CYP7B1: variants seen among roughly 807,000 people sequenced by gnomAD.
CYP7B1 encodes the protein cytochrome P450 family 7 subfamily B member 1, also known as cytochrome P450 7B1.
CYP7B1 carries 29 observed loss-of-function variants against 42.7 expected under a neutral mutation model. The ratio of observed to expected loss-of-function variants is 0.68; its 90% CI spans 0.51 to 0.93. CYP7B1 has a LOEUF of 0.93. CYP7B1 is among the 40% of genes least tolerant of loss of function. The pLI is 0.00. For missense variants in CYP7B1, 655 were observed against 600.5 expected (o/e 1.09, Z -0.95); for synonymous variants, 235 against 218.2 (o/e 1.08, Z -0.68).
At chr8:64,599,062 T>C (rs1805160095) in intron 5 of CYP7B1, among the ~76,000 whole-genome samples, 1 of 152,216 alleles carries the variant, frequency 6.6e-6, no homozygotes. Flanking sequence ...GGAAGGGGTA[T>C]AATAATCTCA....
intron 1 of CYP7B1, among the ~76,000 whole-genome samples, chr8:64,661,307 A>C (rs1248793276): frequency 1.3e-5 from 2 of 152,232 alleles, no homozygotes; most frequent in Non-Finnish European, 2.9e-5. Context: ...ATAAAAATTA[A>C]ACAGCACTTT....
At chr8:64,789,953 A>G (rs142009944) in intron 1 of CYP7B1, among the ~76,000 whole-genome samples, 92 of 152,358 alleles carry the variant, frequency 6.0e-4, no homozygotes, top group African/African-American at 2.0e-3. Context: ...TTCTCAGATT[A>G]TCTCAGAGAG....
chr8:64,743,811 T>A (rs1807604349), intron 1 of CYP7B1, among the ~76,000 whole-genome samples: 1 of 152,200 alleles, frequency 6.6e-6, no homozygotes, highest in Non-Finnish European at 1.5e-5. Flanking sequence ...CAGCCCCTAA[T>A]ACATACTAAT....
At chr8:64,650,415 A>T (rs936363894) in intron 1 of CYP7B1, among the ~76,000 whole-genome samples, 2 of 152,172 alleles carry the variant, frequency 1.3e-5, no homozygotes, top group African/African-American at 4.8e-5. Context: ...TGGGAGGCTG[A>T]GGTGGGCGGA....
chr8:64,645,446 T>C (rs1256541767), intron 1 of CYP7B1, among the ~76,000 whole-genome samples: 3 of 152,030 alleles, frequency 2.0e-5, no homozygotes, highest in Admixed American at 6.6e-5. Flanking sequence ...TTTTAATGAT[T>C]GCCATTCTAA....
chr8:64,594,625 A>G lies in CYP7B1; in HGVS notation c.*2017T>C, dbSNP rs76468682. ...CAATTATAATTGTGTATCATGAACT[A>G]AAGAGTGTAAGGAGAGTGATCACTC... On this transcript the variant is annotated 3_prime_UTR_variant, in exon 6 of 6. Transcript: ENST00000310193. Among the ~76,000 whole-genome samples the G allele has an allele frequency of 1.9e-3, 297 of 152,324 alleles. 1 individual carries two copies. The highest frequency in any genetic ancestry group is 6.9e-3 in the African/African-American group (286 of 41,568).
At chr8:64,675,672 A>C (rs899197559) in intron 1 of CYP7B1, among the ~76,000 whole-genome samples, 1 of 152,112 alleles carries the variant, frequency 6.6e-6, no homozygotes, top group African/African-American at 2.4e-5. Context: ...CTGGGGATCA[A>C]GTACATCAGG....
At chr8:64,743,986 A>T (rs1459770134) in intron 1 of CYP7B1, among the ~76,000 whole-genome samples, 1 of 152,200 alleles carries the variant, frequency 6.6e-6, no homozygotes, top group Non-Finnish European at 1.5e-5. Flanking sequence ...TCAGGTCATC[A>T]TTCAAAATAT....
At chr8:64,695,577 A>G (rs1228692535) in intron 1 of CYP7B1, among the ~76,000 whole-genome samples, 2 of 151,498 alleles carry the variant, frequency 1.3e-5, no homozygotes, top group Middle Eastern at 3.5e-3. Flanking sequence ...TTTAAAAAGA[A>G]CAAAATAAAA....
chr8:64,707,836 G>A (rs1039797436), intron 1 of CYP7B1, among the ~76,000 whole-genome samples: 1 of 152,060 alleles, frequency 6.6e-6, no homozygotes, highest in Non-Finnish European at 1.5e-5. Context: ...GAAATAAGAT[G>A]TGTTTTTTAA....
At chr8:64,722,740 C>CGG (rs1807258623) in intron 1 of CYP7B1, among the ~76,000 whole-genome samples, 1 of 5,816 alleles carries the variant, frequency 1.7e-4, no homozygotes, top group African/African-American at 4.7e-4. Context: ...TGATTTTTTG[C>CGG]GGCGGGGGGG....
chr8:64,629,945 C>G (rs931060784), intron 1 of CYP7B1, among the ~76,000 whole-genome samples: 5 of 152,090 alleles, frequency 3.3e-5, no homozygotes, highest in African/African-American at 1.2e-4. Context: ...CAGTGAGAGG[C>G]CTGGTGGGGA....
intron 1 of CYP7B1, among the ~76,000 whole-genome samples, chr8:64,747,906 G>A (rs925951133): frequency 2.6e-5 from 4 of 152,058 alleles, no homozygotes; most frequent in Non-Finnish European, 4.4e-5. Flanking sequence ...AAAGTATGAA[G>A]TCACCCAATG....
intron 1 of CYP7B1, among the ~76,000 whole-genome samples, chr8:64,674,465 G>A (rs1157658633): frequency 6.6e-6 from 1 of 152,050 alleles, no homozygotes; most frequent in Non-Finnish European, 1.5e-5. Flanking sequence ...CCTGGCTATG[G>A]CAAGTTTGAT....
At chr8:64,764,229 G>GCTCCCCCCC (rs1554539986) in intron 1 of CYP7B1, among the ~76,000 whole-genome samples, 94 of 125,154 alleles carry the variant, frequency 7.5e-4, no homozygotes, top group African/African-American at 2.7e-3. Flanking sequence ...CTTCCACGCT[G>GCTCCCCCCC]CCCCCCCCAC....
intron 1 of CYP7B1, among the ~76,000 whole-genome samples, chr8:64,731,182 G>GT (rs1807403700): frequency 6.6e-6 from 1 of 152,172 alleles, no homozygotes; most frequent in Admixed American, 6.5e-5. Context: ...CAGGAGTGGG[G>GT]TGATGCTGCA....
chr8:64,624,548 A>G lies in CYP7B1; in HGVS notation c.123-9T>C, dbSNP rs946481944. 7.9e-6 allele frequency: 6 copies of G among 762,070 alleles called. No homozygotes were observed. Among genetic ancestry groups the G allele is most frequent in the East Asian group, 5.5e-5 (1 of 18,264 alleles). The allele number at this position is 762,070 out of a possible 1,614,324, so 47.2% of individuals were successfully genotyped here. ...GAGGCTCACCGGGTCTCCTACAAGG[A>G]AAAAAAAAAAGATAAAAGAACAAAA... On this transcript the variant is annotated splice_polypyrimidine_tract_variant and intron_variant, in intron 1 of 5. Coordinates refer to ENST00000310193, the MANE Select transcript of CYP7B1 (RefSeq NM_004820.5).
At chr8:64,736,992 A>G (rs1160819101) in intron 1 of CYP7B1, among the ~76,000 whole-genome samples, 1 of 152,196 alleles carries the variant, frequency 6.6e-6, no homozygotes, top group East Asian at 1.9e-4. Flanking sequence ...ACTCTCAATA[A>G]GTATGTTTTA....
chr8:64,798,344 C>G, intron 1 of CYP7B1, 122 bp downstream of exon 1: 1 of 1,337,276 alleles, frequency 7.5e-7, no homozygotes, highest in South Asian at 1.8e-5. Context: ...AAGCCAGTAC[C>G]CCGCAGCAAG....
Sources: gnomAD v4.1 joint callset for allele counts (sites outside exome capture counted in the v4.1 genomes callset) on GRCh38, gnomAD v4.1.1 for gene constraint, MANE v1.5 for transcripts, NCBI Gene and HGNC (gene_info 2026-07-23, HGNC 2026-07-21) for gene names.